Variants in FBRSL1 observed in about 807,000 individuals in gnomAD.
FBRSL1 encodes the protein fibrosin-1-like protein.
FBRSL1 carries 51 observed loss-of-function variants against 89.6 expected under a neutral mutation model. That is an observed-to-expected ratio of 0.57 (90% CI 0.45 to 0.72). The LOEUF is 0.72. Among genes scored for constraint, FBRSL1 ranks in the 30% least tolerant of loss-of-function variants. FBRSL1 has a pLI of 0.00. For missense variants in FBRSL1, 1,618 were observed against 1,451.8 expected (o/e 1.11, Z -1.86); for synonymous variants, 779 against 681.1 (o/e 1.14, Z -2.24).
At chr12:132,532,523 G>A (rs1333979419) in intron 4 of FBRSL1, among the ~76,000 whole-genome samples, 1 of 152,162 alleles carries the variant, frequency 6.6e-6, no homozygotes, top group Non-Finnish European at 1.5e-5. Flanking sequence ...CACTGGCAAG[G>A]TCCTCCATCA....
At chr12:132,522,127 G>A (rs1055828346) in intron 2 of FBRSL1, among the ~76,000 whole-genome samples, 9 of 152,152 alleles carry the variant, frequency 5.9e-5, no homozygotes, top group Admixed American at 2.0e-4. Context: ...GTGTGCCTGC[G>A]GGTCTCCGTG....
chr12:132,517,872 C>G (rs992772802), intron 2 of FBRSL1, among the ~76,000 whole-genome samples: 1 of 152,102 alleles, frequency 6.6e-6, no homozygotes, highest in Admixed American at 6.5e-5. Context: ...CTGCTGCAGC[C>G]GTTCAGGAGG....
rs1485278233 is a variant in FBRSL1, at chr12:132,584,524, A to G, written c.*746A>G. The G allele has an allele frequency of 6.6e-6, 1 of 152,238 alleles. No individual in the cohort carries two copies. The highest frequency in any genetic ancestry group is 1.5e-5 in the Non-Finnish European group (1 of 68,040). 9.4% of individuals were successfully genotyped at this position (152,238 alleles called of 1,614,324 possible). A position where few individuals can be genotyped will look rare whatever the true frequency, so the allele number is the denominator to read the frequency against. On this transcript the variant is annotated 3_prime_UTR_variant, in exon 19 of 19. Transcript: ENST00000680143. ...GGCTGTAAACATTATCAGAAGTTTA[A>G]TGGCAGCAACTTTCCTTCAACTATG...
chr12:132,535,046 G>T (rs1397828940), intron 4 of FBRSL1, among the ~76,000 whole-genome samples: 1 of 152,272 alleles, frequency 6.6e-6, no homozygotes, highest in Non-Finnish European at 1.5e-5. Flanking sequence ...CAGCCCTGCT[G>T]GAGAGGGCCA....
intron 4 of FBRSL1, among the ~76,000 whole-genome samples, chr12:132,540,608 C>G (rs1384925549): frequency 6.6e-6 from 1 of 152,100 alleles, no homozygotes; most frequent in Non-Finnish European, 1.5e-5. Context: ...CGCCCCCTGA[C>G]CCGCCCACCA....
intron 4 of FBRSL1, 76 bp from the exon 5 acceptor site, chr12:132,547,927 C>G (rs1455675528): frequency 6.6e-7 from 1 of 1,508,942 alleles, no homozygotes; most frequent in East Asian, 2.5e-5. Context: ...CCCCTGCAGC[C>G]TGGCTGCTGC....
chr12:132,502,881 G>C (rs1325364688), intron 1 of FBRSL1, among the ~76,000 whole-genome samples: 1 of 124,636 alleles, frequency 8.0e-6, no homozygotes. Context: ...TCCTGTCCCC[G>C]CCCTCTCCTG....
intron 5 of FBRSL1, among the ~76,000 whole-genome samples, chr12:132,557,690 T>C (rs1253522818): frequency 6.6e-6 from 1 of 152,216 alleles, no homozygotes; most frequent in Admixed American, 6.5e-5. Flanking sequence ...ACATTGAGAC[T>C]GGCCGTAGCC....
At chr12:132,531,387 GTGTA>G (rs895884834) in intron 4 of FBRSL1, among the ~76,000 whole-genome samples, 7 of 152,012 alleles carry the variant, frequency 4.6e-5, no homozygotes, top group South Asian at 2.1e-4. Flanking sequence ...ATGTGCATGT[GTGTA>G]TGTGTGTGTG....
At chr12:132,526,407 GC>G (rs2035794724) in intron 3 of FBRSL1, among the ~76,000 whole-genome samples, 1 of 152,368 alleles carries the variant, frequency 6.6e-6, no homozygotes, top group Middle Eastern at 3.4e-3. Context: ...CTAATTGCCA[GC>G]CCCTGGTGAA....
In FBRSL1 at chr12:132,563,928, A is replaced by G. The variant is rs80024946; in HGVS notation, c.646-3553A>G. On this transcript the variant is annotated intron_variant, in intron 5 of 18. Transcript: ENST00000680143. Reference sequence around the variant, plus strand: ...ACCTGTGCACCCCCTGCACCCCTCCAGCTGACACATACCTACGTCTGTACA... The same window carrying G: ...ACCTGTGCACCCCCTGCACCCCTCCGGCTGACACATACCTACGTCTGTACA... 5.5e-3 allele frequency among the ~76,000 whole-genome samples: 413 copies of G among 74,674 alleles called. 2 individuals are homozygous for G. Among genetic ancestry groups the G allele is most frequent in the African/African-American group, 0.018 (338 of 18,306 alleles). 49.0% of individuals were successfully genotyped at this position (74,674 alleles called of 152,430 possible).
rs1192745865 is a variant in FBRSL1, at chr12:132,511,078, T to C, written c.489+2728T>C. ...AAGGTGTGGGTTTCAGTCCAGGCCC[T>C]CCCCCTGGTAGTCAGGAGGTGCTGG... On this transcript the variant is annotated intron_variant, in intron 2 of 18. Transcript: ENST00000680143. 3.0e-6 allele frequency: 3 copies of C among 985,482 alleles called. No individual in the cohort carries two copies. The East Asian group carries it at 3.4e-4, about 112-fold the overall frequency. The allele number at this position is 985,482 out of a possible 1,614,324, so 61.0% of individuals were successfully genotyped here.
chr12:132,566,025 C>T (rs1491000041), intron 5 of FBRSL1: 1 of 152,106 alleles, frequency 6.6e-6, no homozygotes, highest in East Asian at 1.9e-4. Flanking sequence ...GAATTGTAAG[C>T]GTTAGACGGT....
intron 14 of FBRSL1, 101 bp from the exon 15 acceptor site, chr12:132,576,697 TG>T: frequency 7.5e-7 from 1 of 1,336,022 alleles, no homozygotes; most frequent in Non-Finnish European, 1.0e-6. Context: ...CTCCCCTTAC[TG>T]GACTGGCTCA....
At chr12:132,574,719 C>T (rs1265947559) in intron 14 of FBRSL1, among the ~76,000 whole-genome samples, 155 bp downstream of exon 14, 1 of 152,066 alleles carries the variant, frequency 6.6e-6, no homozygotes, top group Non-Finnish European at 1.5e-5. Flanking sequence ...GGGTACTGGG[C>T]TTTTACCGTA....
chr12:132,578,343 T>TCACACA lies in FBRSL1; in HGVS notation c.1834+1431_1834+1436dup, dbSNP rs3221291. The stretch of plus-strand genomic sequence containing the variant: ...CTGGGCAACAGAGCAAGACCCTGTC[T>TCACACA]CACACACACACACACACACACACAA... On this transcript the variant is annotated intron_variant, in intron 15 of 18. Coordinates refer to ENST00000680143, the MANE Select transcript of FBRSL1 (RefSeq NM_001367871.1). 2.4e-3 allele frequency among the ~76,000 whole-genome samples: 341 copies of TCACACA among 141,108 alleles called. 2 individuals are homozygous for TCACACA. Among genetic ancestry groups the TCACACA allele is most frequent in the East Asian group, 0.013 (62 of 4,620 alleles). 92.6% of individuals were successfully genotyped at this position (141,108 alleles called of 152,430 possible).
At position 132,498,891 on chromosome 12, in the gene FBRSL1, TG is replaced by T. The variant is rs1438521190; in HGVS notation, c.291+8035del. Among the ~76,000 whole-genome samples the T allele has an allele frequency of 7.9e-5, 12 of 152,326 alleles. No individual in the cohort carries two copies. The South Asian group carries it at 1.7e-3, about 21-fold the overall frequency. ...GGCTTGGCCATGGTACTCACCCCAC[TG>T]GGGGCTGGGCAGAGAGGCCGACAAC... On this transcript the variant is annotated intron_variant, in intron 1 of 18. Coordinates refer to ENST00000680143, the MANE Select transcript of FBRSL1 (RefSeq NM_001367871.1).
At position 132,490,472 on chromosome 12, in the gene FBRSL1, C is replaced by CA; in HGVS notation, c.-98dup. On this transcript the variant is annotated 5_prime_UTR_variant, in exon 1 of 19. An upstream open reading frame in the 5' UTR loses its in-frame stop. Coordinates refer to ENST00000680143, the MANE Select transcript of FBRSL1 (RefSeq NM_001367871.1). Reference sequence around the variant, plus strand: ...CCAGGGCCCGAGCCCGCGCGGCGCACACTCAGCCCGGCGGCGCCGCGTAGC... The same window carrying CA: ...CCAGGGCCCGAGCCCGCGCGGCGCACAACTCAGCCCGGCGGCGCCGCGTAGC... The CA allele has an allele frequency of 1.2e-6, 1 of 846,624 alleles. No individual in the cohort carries two copies. The highest frequency in any genetic ancestry group is 1.4e-6 in the Non-Finnish European group (1 of 708,198). The allele number at this position is 846,624 out of a possible 1,614,324, so 52.4% of individuals were successfully genotyped here.
At chr12:132,549,013 T>G (rs117447539) in intron 5 of FBRSL1, among the ~76,000 whole-genome samples, 1,776 of 152,218 alleles carry the variant, frequency 0.012, 45 homozygotes, top group East Asian at 0.12. Flanking sequence ...GCAGGAGCTG[T>G]CTGGGCTGTG....
Sources: gnomAD v4.1 joint callset for allele counts (sites outside exome capture counted in the v4.1 genomes callset) on GRCh38, gnomAD v4.1.1 for gene constraint, MANE v1.5 for transcripts, NCBI Gene and HGNC (gene_info 2026-07-23, HGNC 2026-07-21) for gene names.